Variants in ZNF343 observed in about 807,000 individuals in gnomAD.
The protein encoded by ZNF343 is zinc finger protein 343.
A neutral mutation model predicts 13.8 loss-of-function variants in ZNF343; 11 were observed. The observed-to-expected ratio is 0.80, with a 90% CI of 0.50 to 1.32. The LOEUF (loss-of-function observed/expected upper bound fraction) is 1.32. ZNF343 is among the 40% of genes most tolerant of loss of function. The pLI, the probability that ZNF343 is intolerant of heterozygous loss-of-function variation, is 0.00. For missense variants in ZNF343, 658 were observed against 714.2 expected (o/e 0.92, Z 0.90); for synonymous variants, 248 against 260.0 (o/e 0.95, Z 0.44).
At position 2,483,609 on chromosome 20, in the gene ZNF343, G is replaced by A; in HGVS notation, c.1352C>T (p.Thr451Ile). The A allele has an allele frequency of 6.2e-7, 1 of 1,610,286 alleles. No homozygotes were observed. The highest frequency in any genetic ancestry group is 1.1e-5 in the South Asian group (1 of 90,920). The change falls in exon 6 of 6, where the codon ACC (threonine) becomes ATC (isoleucine). Residue 451 changes from threonine (T) to isoleucine (I), a missense_variant. Transcript: ENST00000278772. ...GTGCGTCCGCTCGTGTATGATGAGG[G>A]TTGACTTGTCACAAAAGCCTCGCCC... ...ECGRGFCDKS[T>I]LIIHERTHSG...
upstream of ZNF343, among the ~76,000 whole-genome samples, chr20:2,513,553 G>T (rs1426405633): frequency 1.3e-5 from 2 of 152,218 alleles, no homozygotes; most frequent in East Asian, 3.8e-4. Flanking sequence ...TGTTCTATCT[G>T]TTGGGGAAAT....
At position 2,484,547 on chromosome 20, in the gene ZNF343, TTCTGCACATAAGCCCAGGAAGA is replaced by T. The variant is rs1328791609; in HGVS notation, c.392_413del (p.Ile131LysfsTer24). 19 of 1,614,122 alleles carry T rather than the reference TTCTGCACATAAGCCCAGGAAGA, an allele frequency of 1.2e-5. No homozygotes were observed. The highest frequency in any genetic ancestry group is 1.6e-5 in the Non-Finnish European group (19 of 1,180,048). Reference sequence around the variant, plus strand: ...TAGAATTCCCTGGATGGAAGTGATTTTCTGCACATAAGCCCAGGAAGATCTGAAGTACATGTTGACTGAGGAA... The same window carrying T: ...TAGAATTCCCTGGATGGAAGTGATTTTCTGAAGTACATGTTGACTGAGGAA... On this transcript the variant is annotated frameshift_variant, in exon 6 of 6. Transcript: ENST00000278772. LOFTEE classifies it low-confidence loss of function (END_TRUNC).
Position 2,484,512 on chromosome 20 carries a change from T to G in ZNF343, c.449A>C (p.His150Pro). The G allele has an allele frequency of 6.2e-7, 1 of 1,614,256 alleles. No homozygotes were observed. The highest frequency in any genetic ancestry group is 1.1e-5 in the South Asian group (1 of 91,090). The change falls in exon 6 of 6, where the codon CAT becomes CCT. Residue 150 changes from histidine (H) to proline (P), a missense_variant. By Grantham distance (77) the His-to-Pro change is moderately conservative. Coordinates refer to ENST00000278772, the MANE Select transcript of ZNF343 (RefSeq NM_024325.6). Reference sequence around the variant, plus strand: ...ATACTGCTGCCCCTGCTGTTTCCAATGCCCTGGGCTAGAATTCCCTGGATG... The same window carrying G: ...ATACTGCTGCCCCTGCTGTTTCCAAGGCCCTGGGCTAGAATTCCCTGGATG... ...HFHPGNSSPG[H>P]WKQQGQQYSH... is the part of the protein sequence containing the mutation.
chr20:2,499,500 AAT>A (rs2085524482), intron 2 of ZNF343, among the ~76,000 whole-genome samples: 2 of 150,306 alleles, frequency 1.3e-5, no homozygotes, highest in Non-Finnish European at 3.0e-5. Flanking sequence ...AAGAAAAAGA[AAT>A]GGCCCTCTTG....
rs1376576562 is a variant in ZNF343 at position 2,508,914 on chromosome 20, C to G, written c.-270G>C. The G allele has an allele frequency of 2.6e-5, 4 of 152,344 alleles. No homozygotes were observed. Among genetic ancestry groups the G allele is most frequent in the Non-Finnish European group, 5.9e-5 (4 of 68,122 alleles). The allele number at this position is 152,344 out of a possible 1,614,324, so 9.4% of individuals were successfully genotyped here. On this transcript the variant is annotated 5_prime_UTR_variant, in exon 1 of 6. Coordinates refer to ENST00000278772, the MANE Select transcript of ZNF343 (RefSeq NM_024325.6). This position sits in a 1 kb window ranked among gnomAD's most constrained non-coding sequence, Gnocchi z 4.5. ...GCGTGCCCGGGATCTCGGCCACCGA[C>G]CGACGCCAGAACTACAATTCCCAAC...
intron 2 of ZNF343, among the ~76,000 whole-genome samples, chr20:2,500,324 T>C (rs2085538759): frequency 6.6e-6 from 1 of 152,244 alleles, no homozygotes; most frequent in Admixed American, 6.5e-5. Context: ...ATAAACCCAG[T>C]TGCCTGGCAC....
chr20:2,508,062 C>T lies in ZNF343; in HGVS notation c.-237+819G>A, dbSNP rs1024608706. Reference sequence around the variant, plus strand: ...GAACTTTGCCACAAAGCACAGGGGGCACCTCCCACATGACACACCTTGAGA... The same window carrying T: ...GAACTTTGCCACAAAGCACAGGGGGTACCTCCCACATGACACACCTTGAGA... On this transcript the variant is annotated intron_variant, in intron 1 of 5. Coordinates refer to ENST00000278772, the MANE Select transcript of ZNF343 (RefSeq NM_024325.6). This position sits in a 1 kb window ranked among gnomAD's most constrained non-coding sequence, Gnocchi z 4.5. Among the ~76,000 whole-genome samples the T allele has an allele frequency of 6.6e-6, 1 of 151,966 alleles. No homozygotes were observed. Among genetic ancestry groups the T allele is most frequent in the African/African-American group, 2.4e-5 (1 of 41,346 alleles).
intron 1 of ZNF343, among the ~76,000 whole-genome samples, chr20:2,503,340 A>G (rs192040209): frequency 3.2e-4 from 48 of 152,264 alleles, no homozygotes; most frequent in African/African-American, 8.9e-4. Context: ...AGAGACTTAG[A>G]CTCCCACACA....
intron 1 of ZNF343, among the ~76,000 whole-genome samples, chr20:2,514,815 C>G (rs971904023): frequency 2.6e-5 from 4 of 152,020 alleles, no homozygotes; most frequent in African/African-American, 9.7e-5. Context: ...AACCCCATCT[C>G]TACTAAGAAT....
Position 2,484,024 on chromosome 20 carries a change from T to G in ZNF343, c.937A>C (p.Ser313Arg). The change falls in exon 6 of 6, where the codon AGC becomes CGC. Residue 313 changes from serine to arginine, a missense_variant. Coordinates refer to ENST00000278772, the MANE Select transcript of ZNF343 (RefSeq NM_024325.6). ...GRGFSQKSNL[S>R]RHQRTHSEEK... ...TCTGAATGTGTTCTCTGGTGTCTGC[T>G]GAGGTTGGACTTCTGGCTAAAACCT... The G allele has an allele frequency of 1.2e-6, 2 of 1,614,196 alleles. No individual in the cohort carries two copies. The highest frequency in any genetic ancestry group is 3.3e-4 in the Middle Eastern group (2 of 6,062).
In ZNF343 at chr20:2,481,908, C is replaced by T. The variant is rs948467627; in HGVS notation, c.*1253G>A. The T allele has an allele frequency of 1.3e-5, 2 of 152,208 alleles. No individual in the cohort carries two copies. The highest frequency in any genetic ancestry group is 6.5e-5 in the Admixed American group (1 of 15,278). 9.4% of individuals were successfully genotyped at this position (152,208 alleles called of 1,614,324 possible). On this transcript the variant is annotated 3_prime_UTR_variant, in exon 6 of 6. Transcript: ENST00000278772. ...CTTATTTAACAGTTACTGCCATCTT[C>T]GCTCACATACAGAGTACATGGGGGA... is the stretch of plus-strand genomic sequence containing the variant.
intron 1 of ZNF343, among the ~76,000 whole-genome samples, chr20:2,501,948 A>G (rs1322468096): frequency 8.5e-5 from 13 of 152,244 alleles, no homozygotes; most frequent in Non-Finnish European, 2.9e-5. Context: ...TAGCAACGGA[A>G]CAAAGCTGGA....
chr20:2,503,295 C>A (rs1188175205), intron 1 of ZNF343, among the ~76,000 whole-genome samples: 1 of 152,072 alleles, frequency 6.6e-6, no homozygotes, highest in African/African-American at 2.4e-5. Flanking sequence ...ACAGGAGTAC[C>A]CAGATTCATA....
chr20:2,506,387 C>T (rs1271561776), intron 1 of ZNF343, among the ~76,000 whole-genome samples: 32 of 151,910 alleles, frequency 2.1e-4, no homozygotes, highest in African/African-American at 7.3e-5. Context: ...GTCAGTGTGG[C>T]GATTCCTCAG....
chr20:2,487,228 G>T (rs2085295413), intron 5 of ZNF343, among the ~76,000 whole-genome samples: 1 of 152,098 alleles, frequency 6.6e-6, no homozygotes, highest in South Asian at 2.1e-4. Context: ...TCTCTTTGTT[G>T]ATTTAATTCC....
In ZNF343 at chr20:2,483,295, G is replaced by T; in HGVS notation, c.1666C>A (p.Arg556=). 6.2e-7 allele frequency: 1 copy of T among 1,609,914 alleles called. No homozygotes were observed. Among genetic ancestry groups the T allele is most frequent in the Non-Finnish European group, 8.5e-7 (1 of 1,179,000 alleles). The part of the protein sequence containing the change: ...EKPYVCSECG[R]GFSRKSLLLV... ...AGGAGTGATTTCCGGCTAAAGCCTC[G>T]GCCACACTCACTGCACACGTAAGGC... Residue 556 remains arginine, a synonymous_variant, in exon 6 of 6, where the codon CGA becomes AGA. Coordinates refer to ENST00000278772, the MANE Select transcript of ZNF343 (RefSeq NM_024325.6).
intron 5 of ZNF343, 88 bp from the exon 6 acceptor site, chr20:2,484,744 G>T: frequency 8.4e-7 from 1 of 1,195,714 alleles, no homozygotes; most frequent in Non-Finnish European, 1.2e-6. Context: ...ATGTTTTACT[G>T]CCATGCCTAT....
At chr20:2,505,013 G>C (rs2085631450) in intron 1 of ZNF343, among the ~76,000 whole-genome samples, 1 of 152,150 alleles carries the variant, frequency 6.6e-6, no homozygotes, top group African/African-American at 2.4e-5. Context: ...AAGTCAAATT[G>C]TCCCTGTTTG....
chr20:2,484,004 A>G lies in ZNF343; in HGVS notation c.957T>C (p.His319=), dbSNP rs2122538553. 6.2e-7 allele frequency: 1 copy of G among 1,613,066 alleles called. No individual in the cohort carries two copies. Among genetic ancestry groups the G allele is most frequent in the Non-Finnish European group, 8.5e-7 (1 of 1,179,730 alleles). The part of the protein sequence containing the change: ...KSNLSRHQRT[H]SEEKPYLCRE... ...TGCACAAATAAGGCTTCTCTTCTGA[A>G]TGTGTTCTCTGGTGTCTGCTGAGGT... is the stretch of plus-strand genomic sequence containing the variant. Residue 319 remains histidine, a synonymous_variant, in exon 6 of 6, where the codon CAT becomes CAC. Coordinates refer to ENST00000278772, the MANE Select transcript of ZNF343 (RefSeq NM_024325.6).
Sources: gnomAD v4.1 joint callset for allele counts (sites outside exome capture counted in the v4.1 genomes callset) on GRCh38, gnomAD v4.1.1 for gene constraint, Gnocchi (gnomAD v3.1) non-coding constraint, MANE v1.5 for transcripts, NCBI Gene and HGNC (gene_info 2026-07-23, HGNC 2026-07-21) for gene names.